Variants in DENND4A observed in about 807,000 individuals in gnomAD.
DENND4A encodes C-myc promoter-binding protein.
Under a neutral mutation model 199.3 loss-of-function variants are expected in DENND4A, and 70 were observed. The observed-to-expected ratio is 0.35, with a 90% CI of 0.29 to 0.43. DENND4A has a LOEUF of 0.43. Among genes scored for constraint, DENND4A ranks in the 20% least tolerant of loss-of-function variants. DENND4A has a pLI of 1.00. For missense variants in DENND4A, 1,723 were observed against 2,255.8 expected (o/e 0.76, Z 4.78); for synonymous variants, 686 against 766.9 (o/e 0.89, Z 1.74).
chr15:65,772,299 A>ATG (rs1461960327), intron 1 of DENND4A, among the ~76,000 whole-genome samples: 8 of 152,204 alleles, frequency 5.3e-5, no homozygotes, highest in African/African-American at 1.9e-4. Context: ...GACATGTATC[A>ATG]GTTTTATTTT....
chr15:65,771,950 C>T, intron 1 of DENND4A: 3 of 1,587,338 alleles, frequency 1.9e-6, no homozygotes, highest in East Asian at 2.3e-5. Flanking sequence ...TTCAAATCTT[C>T]ATCACCACTA....
chr15:65,764,972 CAAA>C (rs35902836), intron 1 of DENND4A, among the ~76,000 whole-genome samples: 4 of 95,864 alleles, frequency 4.2e-5, no homozygotes, highest in Admixed American at 1.1e-4. Flanking sequence ...ACCCTGTCTC[CAAA>C]AAAAAAAAAA....
At chr15:65,676,081 G>A (rs553175020) in intron 24 of DENND4A, among the ~76,000 whole-genome samples, 23 of 147,448 alleles carry the variant, frequency 1.6e-4, no homozygotes, top group African/African-American at 4.9e-4. Flanking sequence ...AAATCAAGGG[G>A]TAGGAAACTA....
rs374386648 is a variant in DENND4A, at chr15:65,668,397, T to C, written c.4788-274A>G. 3.2e-4 allele frequency among the ~76,000 whole-genome samples: 48 copies of C among 152,060 alleles called. 1 individual carries two copies. In the East Asian group the frequency reaches 9.4e-3, roughly 30 times the overall value. On this transcript the variant is annotated intron_variant, in intron 27 of 32. Coordinates refer to ENST00000443035, the MANE Select transcript of DENND4A (RefSeq NM_001320835.1). ...CTAATTTTTGTATTTTTAGTAGAGA[T>C]GGGGTTTTGCCATGTTGTCCAGGCT... is the stretch of plus-strand genomic sequence containing the variant.
At chr15:65,671,655 G>A in intron 25 of DENND4A, 137 bp downstream of exon 25, 1 of 604,594 alleles carries the variant, frequency 1.7e-6, no homozygotes, top group Non-Finnish European at 2.9e-6. Flanking sequence ...CTCCCAAAGT[G>A]CTGGGATTAC....
chr15:65,702,607 A>G, intron 16 of DENND4A, 96 bp from the exon 17 acceptor site: 1 of 1,085,738 alleles, frequency 9.2e-7, no homozygotes, highest in Middle Eastern at 2.4e-4. Context: ...TGCTTTTATA[A>G]TGTTTCCATA....
intron 1 of DENND4A, among the ~76,000 whole-genome samples, chr15:65,772,706 CAAAAAAAAA>C (rs34181353): frequency 3.9e-4 from 13 of 33,566 alleles, no homozygotes; most frequent in African/African-American, 1.2e-3. Flanking sequence ...GACTCCGTCT[CAAAAAAAAA>C]AAAAAAAAAA....
intron 1 of DENND4A, among the ~76,000 whole-genome samples, chr15:65,768,904 G>A (rs1347832728): frequency 5.3e-5 from 8 of 151,690 alleles, no homozygotes; most frequent in African/African-American, 1.9e-4. Flanking sequence ...TGAGACAGGA[G>A]AATTGCTTCA....
chr15:65,711,241 C>T (rs1278293620), intron 14 of DENND4A, among the ~76,000 whole-genome samples: 1 of 152,164 alleles, frequency 6.6e-6, no homozygotes, highest in East Asian at 1.9e-4. Context: ...AGGGGCCACT[C>T]CTATAAACCC....
intron 11 of DENND4A, among the ~76,000 whole-genome samples, chr15:65,724,203 C>T (rs554927651): frequency 9.7e-4 from 147 of 152,174 alleles, no homozygotes; most frequent in Non-Finnish European, 1.7e-3. Context: ...GCTGAGACTA[C>T]AGGCGCGCAC....
intron 23 of DENND4A, among the ~76,000 whole-genome samples, chr15:65,687,023 G>C (rs1293980231): frequency 1.3e-5 from 2 of 152,032 alleles, no homozygotes; most frequent in African/African-American, 4.8e-5. Flanking sequence ...TTTTAATTGA[G>C]GTGTTTAGAT....
intron 20 of DENND4A, among the ~76,000 whole-genome samples, chr15:65,698,405 A>C (rs1400864516): frequency 6.6e-6 from 1 of 152,206 alleles, no homozygotes; most frequent in Non-Finnish European, 1.5e-5. Context: ...CTAGTTCTCT[A>C]TCTTAGGAGA....
chr15:65,704,659 C>T (rs900583686), intron 15 of DENND4A, among the ~76,000 whole-genome samples: 2 of 152,122 alleles, frequency 1.3e-5, no homozygotes, highest in South Asian at 4.1e-4. Flanking sequence ...GGCACGATCT[C>T]GGCTCACTGC....
intron 1 of DENND4A, among the ~76,000 whole-genome samples, chr15:65,780,230 T>C (rs907891857): frequency 5.9e-5 from 9 of 152,210 alleles, no homozygotes; most frequent in African/African-American, 2.2e-4. Context: ...AACCTTTCTC[T>C]GTAACATGCT....
chr15:65,752,634 A>G lies in DENND4A; in HGVS notation c.312-6T>C, dbSNP rs757112997. On this transcript the variant is annotated splice_region_variant and splice_polypyrimidine_tract_variant and intron_variant, in intron 3 of 32. Coordinates refer to ENST00000443035, the MANE Select transcript of DENND4A (RefSeq NM_001320835.1). Reference sequence around the variant, plus strand: ...CTTTCCAGTCATATAAAACCCTAAAAATAAATTTTTAAAAATAAATACACA... The same window carrying G: ...CTTTCCAGTCATATAAAACCCTAAAGATAAATTTTTAAAAATAAATACACA... 13 of 1,472,524 alleles carry G rather than the reference A, an allele frequency of 8.8e-6. No homozygotes were observed. Among genetic ancestry groups the G allele is most frequent in the Admixed American group, 2.4e-5 (1 of 41,784 alleles). 91.2% of individuals were successfully genotyped at this position (1,472,524 alleles called of 1,614,324 possible).
In DENND4A at chr15:65,729,117, G is replaced by A; in HGVS notation, c.1442C>T (p.Pro481Leu). ...DSRYFDLYDP[P>L]PDVSCVDVDT... ...TACATCAACACAACTGACATCTGGT[G>A]GAGGATCATAGAGATCAAAGTATCT... The change falls in exon 11 of 33, where the codon CCA becomes CTA. Residue 481 changes from proline to leucine, a missense_variant. By Grantham distance (98) the Pro-to-Leu change is moderately conservative. Around this residue, in one of 6 missense-constraint regions of DENND4A, gnomAD observed 725 missense variants for 952.9 expected, o/e 0.76. Coordinates refer to ENST00000443035, the MANE Select transcript of DENND4A (RefSeq NM_001320835.1). 1 of 1,593,664 alleles carries A rather than the reference G, an allele frequency of 6.3e-7. No individual in the cohort carries two copies.
Position 65,752,398 on chromosome 15 carries a change from T to C in DENND4A, c.542A>G (p.Lys181Arg), listed in dbSNP as rs1413586953. ...ACTTACCATACTGTTATTGAGATTC[T>C]TGTCGACTTTGCAGAACGTGTGTGG... ...SPPHTFCKVD[K>R]NLNNSMWGSA... Residue 181 changes from lysine to arginine, a missense_variant, in exon 4 of 33, where the codon AAG becomes AGG. Physicochemically the swap from Lys to Arg is conservative, Grantham distance 26. This residue lies in a region of DENND4A where 725 missense variants were observed against 952.9 expected (regional missense o/e 0.76). Transcript: ENST00000443035. 1.9e-6 allele frequency: 3 copies of C among 1,610,968 alleles called. No individual in the cohort carries two copies. The Admixed American group carries it at 5.0e-5, about 27-fold the overall frequency.
intron 12 of DENND4A, among the ~76,000 whole-genome samples, chr15:65,721,488 T>A: frequency 6.8e-6 from 1 of 147,814 alleles, no homozygotes; most frequent in African/African-American, 2.5e-5. Flanking sequence ...ACCAAGAAGA[T>A]CAGATAAAGA....
chr15:65,781,163 T>C (rs1446476777), intron 1 of DENND4A, among the ~76,000 whole-genome samples: 1 of 152,046 alleles, frequency 6.6e-6, no homozygotes, highest in Non-Finnish European at 1.5e-5. Flanking sequence ...AATCCAGAAA[T>C]AGTACGTATA....
Sources: gnomAD v4.1 joint callset for allele counts (sites outside exome capture counted in the v4.1 genomes callset) on GRCh38, gnomAD v4.1.1 for gene constraint, gnomAD v4.1.1 regional missense constraint, MANE v1.5 for transcripts, NCBI Gene and HGNC (gene_info 2026-07-23, HGNC 2026-07-21) for gene names.